PKD1: variants seen among roughly 807,000 people sequenced by gnomAD.
The protein encoded by PKD1 is polycystin 1, transient receptor potential channel interacting.
A neutral mutation model predicts 361.7 loss-of-function variants in PKD1; 81 were observed. The observed-to-expected ratio is 0.22, with a 90% CI of 0.19 to 0.27. PKD1 has a LOEUF of 0.27. Ranked by LOEUF, PKD1 falls within the 10% of genes least tolerant of loss-of-function variation. The probability of loss-of-function intolerance (pLI) is 1.00; values close to 1 mark genes in which losing one functional copy is unlikely to be tolerated. For synonymous variants in PKD1, 3,615 were observed against 2,818.3 expected, an observed-to-expected ratio of 1.28 and a Z score of -8.95; for missense variants, 6,399 against 6,118.3, an observed-to-expected ratio of 1.05 and a Z score of -1.53.
chr16:2,094,044 C>A, intron 35 of PKD1, 31 bp from the exon 36 acceptor site: 1 of 1,591,698 alleles, frequency 6.3e-7, no homozygotes, highest in Non-Finnish European at 8.6e-7. Flanking sequence ...CTGTGAGAGG[C>A]AGCTCACAGG....
At chr16:2,128,778 C>G (rs1008675323) in intron 1 of PKD1, among the ~76,000 whole-genome samples, 6 of 152,070 alleles carry the variant, frequency 3.9e-5, no homozygotes, top group Non-Finnish European at 8.8e-5. Flanking sequence ...AATCTTGCCT[C>G]ACTGCGACCT....
At chr16:2,125,088 G>A (rs1380018944) in intron 1 of PKD1, among the ~76,000 whole-genome samples, 10 of 152,252 alleles carry the variant, frequency 6.6e-5, no homozygotes, top group African/African-American at 2.2e-4. Context: ...GCCGAGCCAT[G>A]ACCTCATCTG....
rs566279575 is a variant in PKD1, at chr16:2,089,698, C to A, written c.*29G>T. On this transcript the variant is annotated 3_prime_UTR_variant, in exon 46 of 46. Coordinates refer to ENST00000262304, the MANE Select transcript of PKD1 (RefSeq NM_001009944.3). The stretch of plus-strand genomic sequence containing the variant: ...ATACTGAGCGGTGTCCACTCCGACT[C>A]CACGGCCCACCCCCGCCAGGAAGGA... 94 of 1,556,696 alleles carry A rather than the reference C, an allele frequency of 6.0e-5. 1 individual carries two copies. The South Asian group carries it at 1.1e-3, about 18-fold the overall frequency.
Position 2,105,847 on chromosome 16 carries a change from C to A in PKD1, c.7863+18G>T. The A allele has an allele frequency of 6.3e-7, 1 of 1,594,788 alleles. No individual in the cohort carries two copies. The highest frequency in any genetic ancestry group is 8.5e-7 in the Non-Finnish European group (1 of 1,178,494). ...ACGCATGCAGCAGATGTGACGTCCC[C>A]TCCCAGGCTGCACTCACCTCGTTCA... On this transcript the variant is annotated intron_variant, in intron 20 of 45. Coordinates refer to ENST00000262304, the MANE Select transcript of PKD1 (RefSeq NM_001009944.3).
chr16:2,109,316 G>A lies in PKD1; in HGVS notation c.5851C>T (p.Arg1951Trp), dbSNP rs191717700. The change falls in exon 15 of 46, where the codon CGG becomes TGG. Residue 1951 changes from arginine to tryptophan, a missense_variant. Transcript: ENST00000262304. ...PRVGDHVVSV[R>W]GKNHVSWAQA... The stretch of plus-strand genomic sequence containing the variant: ...GCCCAGCTCACGTGGTTTTTGCCCC[G>A]CACGCTCACCACGTGGTCTCCGACG... 8.8e-6 allele frequency: 14 copies of A among 1,587,006 alleles called. No homozygotes were observed. The highest frequency in any genetic ancestry group is 4.4e-5 in the South Asian group (4 of 89,942).
intron 42 of PKD1, 62 bp downstream of exon 42, chr16:2,091,360 GC>G: frequency 1.2e-6 from 1 of 862,500 alleles, no homozygotes; most frequent in Non-Finnish European, 1.4e-6. Context: ...CCGGGGCGGG[GC>G]CCCGCGAGGG....
At position 2,110,532 on chromosome 16, in the gene PKD1, C is replaced by A; in HGVS notation, c.4635G>T (p.Lys1545Asn). Residue 1545 changes from lysine (K) to asparagine (N), a missense_variant, in exon 15 of 46, where the codon AAG becomes AAT. By Grantham distance (94) the Lys-to-Asn change is moderately conservative. Coordinates refer to ENST00000262304, the MANE Select transcript of PKD1 (RefSeq NM_001009944.3). ...RSEAWLNVTV[K>N]RRVRGLVVNA... ...TGACGACGAGCCCCCGCACGCGCCGCTTCACCGTCACATTGAGCCAGGCCT... is the reference window on the plus strand; with the variant it reads ...TGACGACGAGCCCCCGCACGCGCCGATTCACCGTCACATTGAGCCAGGCCT... 1 of 1,611,740 alleles carries A rather than the reference C, an allele frequency of 6.2e-7. No homozygotes were observed. The highest frequency in any genetic ancestry group is 8.5e-7 in the Non-Finnish European group (1 of 1,179,808).
chr16:2,100,330 G>C lies in PKD1; in HGVS notation c.9569-21C>G. On this transcript the variant is annotated intron_variant, in intron 27 of 45. Coordinates refer to ENST00000262304, the MANE Select transcript of PKD1 (RefSeq NM_001009944.3). The surrounding 1 kb of genome is among the most constrained non-coding windows in gnomAD (Gnocchi z 4.4). The stretch of plus-strand genomic sequence containing the variant: ...GAGCCCTGCAGAGGCGCAGGAGGGA[G>C]GTCAGGCTCGCAGGGCGCCCCAATG... The C allele has an allele frequency of 6.2e-7, 1 of 1,610,102 alleles. No homozygotes were observed. The highest frequency in any genetic ancestry group is 8.5e-7 in the Non-Finnish European group (1 of 1,179,218).
intron 34 of PKD1, among the ~76,000 whole-genome samples, chr16:2,095,865 C>T (rs904010171): frequency 2.0e-5 from 3 of 152,198 alleles, no homozygotes; most frequent in Non-Finnish European, 2.9e-5. Context: ...CCGGAGATAC[C>T]TGGGGCTGGT....
chr16:2,093,488 G>T, intron 37 of PKD1, 56 bp downstream of exon 37: 1 of 1,483,742 alleles, frequency 6.7e-7, no homozygotes, highest in South Asian at 1.2e-5. Context: ...TGCATGGGTG[G>T]GAGGTGGGAG....
intron 40 of PKD1, 62 bp from the exon 41 acceptor site, chr16:2,091,968 T>C (rs904985369): frequency 1.2e-6 from 2 of 1,611,870 alleles, no homozygotes; most frequent in African/African-American, 2.7e-5. Context: ...GGAGCCAGGC[T>C]GGTCAGGAGG....
At chr16:2,132,863 T>C (rs2092903747) in intron 1 of PKD1, among the ~76,000 whole-genome samples, 1 of 148,204 alleles carries the variant, frequency 6.7e-6, no homozygotes, top group Admixed American at 6.7e-5. Context: ...GGGCGGATCA[T>C]CTGAGGTCAG....
Position 2,106,178 on chromosome 16 carries a change from A to T in PKD1, c.7616T>A (p.Leu2539Gln). The T allele has an allele frequency of 1.2e-6, 2 of 1,609,796 alleles. No individual in the cohort carries two copies. Among genetic ancestry groups the T allele is most frequent in the Non-Finnish European group, 1.7e-6 (2 of 1,179,334 alleles). The change falls in exon 19 of 46, where the codon CTG becomes CAG. Residue 2539 changes from leucine (L) to glutamine (Q), a missense_variant. Transcript: ENST00000262304. This position sits in a 1 kb window ranked among gnomAD's most constrained non-coding sequence, Gnocchi z 6.5. The part of the protein sequence containing the change: ...KGSLSSYGAV[L>Q]PPGFRPHFEV... ...GAAGTGTGGCCTGAAACCCGGGGGCAGCACGGCTCCGTAGCTGGAGAGGCT... is the reference window on the plus strand; with the variant it reads ...GAAGTGTGGCCTGAAACCCGGGGGCTGCACGGCTCCGTAGCTGGAGAGGCT...
In PKD1 at chr16:2,118,958, C is replaced by G; in HGVS notation, c.360-113G>C. The G allele has an allele frequency of 1.3e-6, 1 of 778,264 alleles. No homozygotes were observed. The highest frequency in any genetic ancestry group is 2.1e-6 in the Non-Finnish European group (1 of 467,564). The allele number at this position is 778,264 out of a possible 1,614,324, so 48.2% of individuals were successfully genotyped here. On this transcript the variant is annotated intron_variant, in intron 3 of 45. Coordinates refer to ENST00000262304, the MANE Select transcript of PKD1 (RefSeq NM_001009944.3). The surrounding 1 kb of genome is among the most constrained non-coding windows in gnomAD (Gnocchi z 6.0). The stretch of plus-strand genomic sequence containing the variant: ...CCTGACAGCACCGCCTCCCCTGCCC[C>G]AACCAAGCCGGCACTGGGGGGCTCC...
intron 13 of PKD1, 120 bp downstream of exon 13, chr16:2,112,668 C>T (rs1466562985): frequency 1.6e-6 from 2 of 1,215,396 alleles, no homozygotes; most frequent in Admixed American, 2.0e-5. Flanking sequence ...AGTTACCTCC[C>T]AACAGACAGG....
chr16:2,109,698 C>G lies in PKD1; in HGVS notation c.5469G>C (p.Val1823=), dbSNP rs756513436. ...GGSFVAAGSS[V]PFWGQLATGT... ...CCGTGGCCAGCTGCCCCCAAAAGGG[C>G]ACAGAGGACCCGGCCGCCACGAAGC... is the stretch of plus-strand genomic sequence containing the variant. The change falls in exon 15 of 46, where the codon GTG becomes GTC. Residue 1823 remains valine, a synonymous_variant. Transcript: ENST00000262304. 2.5e-6 allele frequency: 4 copies of G among 1,595,564 alleles called. No homozygotes were observed. The South Asian group carries it at 3.4e-5, about 13-fold the overall frequency.
At position 2,116,410 on chromosome 16, in the gene PKD1, C is replaced by T. The variant is rs2092636922; in HGVS notation, c.1722+119G>A. ...CTCTGGATTTTCCCAACCATCTTCACTGGGCACAAGCAACATTAAGGCCCC... is the reference window on the plus strand; with the variant it reads ...CTCTGGATTTTCCCAACCATCTTCATTGGGCACAAGCAACATTAAGGCCCC... On this transcript the variant is annotated intron_variant, in intron 8 of 45. Coordinates refer to ENST00000262304, the MANE Select transcript of PKD1 (RefSeq NM_001009944.3). The T allele has an allele frequency of 4.7e-6, 3 of 642,914 alleles. No individual in the cohort carries two copies. The South Asian group carries it at 5.3e-5, about 11-fold the overall frequency. 39.8% of individuals were successfully genotyped at this position (642,914 alleles called of 1,614,324 possible).
At position 2,093,743 on chromosome 16, in the gene PKD1, G is replaced by A. The variant is rs746041087; in HGVS notation, c.10822-5C>T. On this transcript the variant is annotated splice_polypyrimidine_tract_variant and splice_region_variant and intron_variant, in intron 36 of 45. Coordinates refer to ENST00000262304, the MANE Select transcript of PKD1 (RefSeq NM_001009944.3). ...GTACAGGGCTTCCAGCAAGACCTGGGGAGGGGGTGGCTTCAGAGGGGTCCC... is the reference window on the plus strand; with the variant it reads ...GTACAGGGCTTCCAGCAAGACCTGGAGAGGGGGTGGCTTCAGAGGGGTCCC... 1 of 1,577,214 alleles carries A rather than the reference G, an allele frequency of 6.3e-7. No individual in the cohort carries two copies. The highest frequency in any genetic ancestry group is 1.1e-5 in the South Asian group (1 of 87,244).
rs539793378 is a variant in PKD1, at chr16:2,108,868, G to A, written c.6299C>T (p.Ser2100Leu). Residue 2100 changes from serine to leucine, a missense_variant, in exon 15 of 46, where the codon TCG becomes TTG. Transcript: ENST00000262304. ...VAYHWDFGDG[S>L]PGQDTDEPRA... ...GGGCTCATCTGTGTCCTGCCCTGGC[G>A]ACCCATCCCCAAAGTCCCAGTGGTA... 5.4e-5 allele frequency: 85 copies of A among 1,577,412 alleles called. No homozygotes were observed. In the Middle Eastern group the frequency reaches 6.7e-4, roughly 12 times the overall value.
Sources: gnomAD v4.1 joint callset for allele counts (sites outside exome capture counted in the v4.1 genomes callset) on GRCh38, gnomAD v4.1.1 for gene constraint, Gnocchi (gnomAD v3.1) non-coding constraint, MANE v1.5 for transcripts, NCBI Gene and HGNC (gene_info 2026-07-23, HGNC 2026-07-21) for gene names.